CAP2: variants seen among roughly 807,000 people sequenced by gnomAD.
CAP2 encodes adenylyl cyclase-associated protein 2.
A neutral mutation model predicts 57.7 loss-of-function variants in CAP2; 24 were observed. The observed-to-expected ratio is 0.42, with a 90% CI of 0.30 to 0.58. CAP2 has a LOEUF of 0.58. CAP2 is among the 20% of genes least tolerant of loss of function. The pLI, the probability that CAP2 is intolerant of heterozygous loss-of-function variation, is 0.22. For synonymous variants in CAP2, 194 were observed against 207.2 expected, an observed-to-expected ratio of 0.94 and a Z score of 0.55; for missense variants, 501 against 590.3, an observed-to-expected ratio of 0.85 and a Z score of 1.57.
At chr6:17,488,708 G>T (rs1434816696) in intron 4 of CAP2, among the ~76,000 whole-genome samples, 1 of 152,180 alleles carries the variant, frequency 6.6e-6, no homozygotes, top group East Asian at 1.9e-4. Context: ...CTTTGTGGAA[G>T]CCATAGTTTC....
At chr6:17,554,013 G>A (rs1003618344) in intron 12 of CAP2, among the ~76,000 whole-genome samples, 1 of 152,124 alleles carries the variant, frequency 6.6e-6, no homozygotes, top group Admixed American at 6.5e-5. Flanking sequence ...TTCAGATTGT[G>A]GGTTCTTTAC....
intron 1 of CAP2, among the ~76,000 whole-genome samples, chr6:17,408,526 G>T (rs147561121): frequency 6.6e-6 from 1 of 152,076 alleles, no homozygotes; most frequent in Non-Finnish European, 1.5e-5. Context: ...GTTTTGCAGG[G>T]GGTCAAACAA....
At chr6:17,534,672 T>C (rs925066014) in intron 7 of CAP2, among the ~76,000 whole-genome samples, 1 of 152,098 alleles carries the variant, frequency 6.6e-6, no homozygotes, top group African/African-American at 2.4e-5. Flanking sequence ...TCTCCCACAG[T>C]TGCCCACTGG....
At chr6:17,443,166 C>A (rs1175326696) in intron 3 of CAP2, among the ~76,000 whole-genome samples, 1 of 152,156 alleles carries the variant, frequency 6.6e-6, no homozygotes, top group Non-Finnish European at 1.5e-5. Flanking sequence ...GCGGGAGGAT[C>A]ATTTTAGCCC....
chr6:17,489,503 C>T (rs1761499348), intron 4 of CAP2, among the ~76,000 whole-genome samples: 1 of 152,046 alleles, frequency 6.6e-6, no homozygotes, highest in Admixed American at 6.6e-5. Context: ...GTACAGTTTC[C>T]AACAAGCAAC....
chr6:17,518,430 A>G (rs1336773929), intron 7 of CAP2, among the ~76,000 whole-genome samples: 2 of 152,206 alleles, frequency 1.3e-5, no homozygotes, highest in East Asian at 1.9e-4. Flanking sequence ...GCATTCTTGC[A>G]GAGAAGAGAA....
intron 1 of CAP2, among the ~76,000 whole-genome samples, chr6:17,404,372 A>G (rs906466547): frequency 1.3e-5 from 2 of 152,088 alleles, no homozygotes; most frequent in East Asian, 1.9e-4. Flanking sequence ...TTGGGAGGCC[A>G]AGGCGGGCAG....
chr6:17,428,258 A>T (rs1411577388), intron 3 of CAP2, among the ~76,000 whole-genome samples: 1 of 152,206 alleles, frequency 6.6e-6, no homozygotes, highest in East Asian at 1.9e-4. Context: ...AGTTTTAGAC[A>T]CTTTTCATAT....
chr6:17,547,570 G>A (rs890094400), intron 11 of CAP2, among the ~76,000 whole-genome samples: 12 of 152,138 alleles, frequency 7.9e-5, no homozygotes, highest in East Asian at 1.9e-4. Flanking sequence ...GACCGGGCAC[G>A]GTGGCTCACG....
chr6:17,401,808 A>G (rs1224993613), intron 1 of CAP2, among the ~76,000 whole-genome samples: 1 of 152,140 alleles, frequency 6.6e-6, no homozygotes, highest in Non-Finnish European at 1.5e-5. Flanking sequence ...TTCTCACTGT[A>G]GACAACCCTT....
intron 7 of CAP2, chr6:17,536,456 T>C (rs1005311799): frequency 1.3e-5 from 4 of 319,250 alleles, no homozygotes; most frequent in African/African-American, 6.6e-5. Context: ...TAGACCAAGA[T>C]GGAGTTTCAA....
At chr6:17,435,161 C>T (rs1368682340) in intron 3 of CAP2, among the ~76,000 whole-genome samples, 1 of 109,208 alleles carries the variant, frequency 9.2e-6, no homozygotes, top group Non-Finnish European at 1.9e-5. Flanking sequence ...TACCATTTGA[C>T]CCAGCCATCC....
At chr6:17,521,755 C>T (rs929772374) in intron 7 of CAP2, among the ~76,000 whole-genome samples, 4 of 152,150 alleles carry the variant, frequency 2.6e-5, no homozygotes, top group African/African-American at 9.7e-5. Context: ...GAAGATACGG[C>T]CCATCCTGTA....
intron 8 of CAP2, among the ~76,000 whole-genome samples, chr6:17,540,558 C>T (rs111643627): frequency 0.041 from 6,259 of 152,030 alleles, 422 homozygotes; most frequent in African/African-American, 0.14. Context: ...CAAAGACCAG[C>T]GTGGCCAACA....
chr6:17,447,020 G>A (rs926584), intron 3 of CAP2, among the ~76,000 whole-genome samples: 79,201 of 151,838 alleles, frequency 0.52, 21,093 homozygotes, highest in East Asian at 0.84. Flanking sequence ...ACCAAATCTG[G>A]TTCTTAGCTT....
At chr6:17,499,012 A>AC (rs1761735509) in intron 4 of CAP2, among the ~76,000 whole-genome samples, 3 of 151,678 alleles carry the variant, frequency 2.0e-5, no homozygotes, top group African/African-American at 4.8e-5. Context: ...TACAGGCGTG[A>AC]GCCACCACGC....
chr6:17,498,945 G>C (rs961424030), intron 4 of CAP2, among the ~76,000 whole-genome samples: 9 of 151,840 alleles, frequency 5.9e-5, no homozygotes, highest in Non-Finnish European at 8.8e-5. Flanking sequence ...TAGCCAGGAT[G>C]GTCTCAATCT....
At chr6:17,422,526 T>C (rs560554111) in intron 2 of CAP2, among the ~76,000 whole-genome samples, 1 of 151,952 alleles carries the variant, frequency 6.6e-6, no homozygotes, top group Non-Finnish European at 1.5e-5. Context: ...ATTTTTTGTA[T>C]TTTTAATAGA....
At chr6:17,464,454 C>T (rs1760811180) in intron 4 of CAP2, among the ~76,000 whole-genome samples, 1 of 152,114 alleles carries the variant, frequency 6.6e-6, no homozygotes, top group South Asian at 2.1e-4. Flanking sequence ...AGAGGCAAGA[C>T]CAGAGACCTG....
Sources: gnomAD v4.1 joint callset for allele counts (sites outside exome capture counted in the v4.1 genomes callset) on GRCh38, gnomAD v4.1.1 for gene constraint, MANE v1.5 for transcripts, NCBI Gene and HGNC (gene_info 2026-07-23, HGNC 2026-07-21) for gene names.